Variants in LDLRAD4 observed in about 807,000 individuals in gnomAD.
LDLRAD4 encodes the protein low-density lipoprotein receptor class A domain-containing protein 4.
LDLRAD4 carries 5 observed loss-of-function variants against 17.0 expected under a neutral mutation model. The ratio of observed to expected loss-of-function variants is 0.29; its 90% CI spans 0.15 to 0.62. LDLRAD4 has a LOEUF of 0.62. LDLRAD4 is among the 20% of genes least tolerant of loss of function. The probability of loss-of-function intolerance (pLI) is 0.84; values close to 1 mark genes in which losing one functional copy is unlikely to be tolerated. For missense variants in LDLRAD4, 340 were observed against 424.7 expected, an observed-to-expected ratio of 0.80 and a Z score of 1.75; for synonymous variants, 168 against 171.8, an observed-to-expected ratio of 0.98 and a Z score of 0.17.
intron 1 of LDLRAD4, among the ~76,000 whole-genome samples, chr18:13,336,654 A>G (rs1433284451): frequency 1.3e-5 from 2 of 151,598 alleles, no homozygotes; most frequent in Non-Finnish European, 2.9e-5. Context: ...ATTCATCTTC[A>G]TTTCTGTGAC....
At chr18:13,337,071 G>T (rs950445239) in intron 1 of LDLRAD4, among the ~76,000 whole-genome samples, 1 of 152,138 alleles carries the variant, frequency 6.6e-6, no homozygotes, top group Middle Eastern at 3.2e-3. Context: ...GGCTTTCCAG[G>T]CTTTACAACC....
intron 1 of LDLRAD4, among the ~76,000 whole-genome samples, chr18:13,329,979 A>G (rs1329670757): frequency 1.7e-4 from 22 of 130,990 alleles, no homozygotes; most frequent in African/African-American, 6.1e-4. Context: ...TTTTTTTGAG[A>G]CAGTCTCACT....
intron 3 of LDLRAD4, among the ~76,000 whole-genome samples, chr18:13,543,864 C>T (rs1179259944): frequency 6.6e-6 from 1 of 152,220 alleles, no homozygotes; most frequent in Non-Finnish European, 1.5e-5. Context: ...CCTGTTGAGC[C>T]CTACCTCCAA....
intron 3 of LDLRAD4, among the ~76,000 whole-genome samples, chr18:13,517,884 G>A (rs560525160): frequency 3.3e-5 from 5 of 152,056 alleles, no homozygotes; most frequent in African/African-American, 1.2e-4. Context: ...GACTACAGGC[G>A]CCCGCCACCA....
chr18:13,482,517 C>T (rs1251409904), intron 3 of LDLRAD4, among the ~76,000 whole-genome samples: 1 of 152,228 alleles, frequency 6.6e-6, no homozygotes, highest in Admixed American at 6.5e-5. Flanking sequence ...TCAGTTCCCC[C>T]CATCACCACT....
rs1273621726 is a variant in LDLRAD4, at chr18:13,398,840, T to C, written c.40+11078T>C. On this transcript the variant is annotated intron_variant, in intron 2 of 5. Coordinates refer to ENST00000359446, the Ensembl canonical transcript of LDLRAD4. This position sits in a 1 kb window ranked among gnomAD's most constrained non-coding sequence, Gnocchi z 4.8. ...GGGCACTATAGCAACCGTGTGTTGT[T>C]GCCTGGGACTCACTTCCCTACGGGG... 2.2e-4 allele frequency among the ~76,000 whole-genome samples: 33 copies of C among 152,174 alleles called. No homozygotes were observed. Among genetic ancestry groups the C allele is most frequent in the Non-Finnish European group, 5.9e-5 (4 of 68,006 alleles).
At chr18:13,452,558 G>A (rs1034992173) in intron 3 of LDLRAD4, among the ~76,000 whole-genome samples, 8 of 152,166 alleles carry the variant, frequency 5.3e-5, no homozygotes, top group African/African-American at 1.9e-4. Flanking sequence ...TGGAAAGGAG[G>A]AAGGCGGGAG....
intron 2 of LDLRAD4, among the ~76,000 whole-genome samples, chr18:13,400,439 C>T (rs770413607): frequency 1.1e-4 from 16 of 152,214 alleles, no homozygotes; most frequent in Non-Finnish European, 1.6e-4. Flanking sequence ...GTAGGCCCAC[C>T]TGTCATGGCA....
intron 3 of LDLRAD4, among the ~76,000 whole-genome samples, chr18:13,446,930 T>G (rs9961712): frequency 6.6e-6 from 1 of 152,216 alleles, no homozygotes; most frequent in Non-Finnish European, 1.5e-5. Context: ...CAGATTGGAC[T>G]TCCCATGTTG....
rs7242081 is a variant in LDLRAD4 at position 13,264,474 on chromosome 18, A to C, written c.-466-13631A>C. ...GAAGTATTCACCATCATTCAATTCC[A>C]CAGTGTCCCTTTATGAGTTTAGCTA... On this transcript the variant is annotated intron_variant, in intron 1 of 5. Transcript: ENST00000399848. Among the ~76,000 whole-genome samples, 459 of 152,388 alleles carry C rather than the reference A, an allele frequency of 3.0e-3. 1 individual carries two copies. Among genetic ancestry groups the C allele is most frequent in the African/African-American group, 0.011 (442 of 41,600 alleles).
At chr18:13,605,113 C>A (rs182477577) in intron 3 of LDLRAD4, among the ~76,000 whole-genome samples, 1 of 152,166 alleles carries the variant, frequency 6.6e-6, no homozygotes, top group Non-Finnish European at 1.5e-5. Flanking sequence ...TTGTCCAGAG[C>A]GCAGAATTAG....
chr18:13,590,775 C>T (rs1370853040), intron 3 of LDLRAD4, among the ~76,000 whole-genome samples: 3 of 152,210 alleles, frequency 2.0e-5, no homozygotes, highest in Admixed American at 6.5e-5. Flanking sequence ...TGATCAATTG[C>T]ACTGGAGATT....
chr18:13,255,200 C>T (rs1038264177), intron 1 of LDLRAD4, among the ~76,000 whole-genome samples: 1 of 152,212 alleles, frequency 6.6e-6, no homozygotes, highest in South Asian at 2.1e-4. Flanking sequence ...GCCCGCCCCC[C>T]CCAGCCCCGG....
chr18:13,288,661 C>A (rs112124855), intron 1 of LDLRAD4, among the ~76,000 whole-genome samples: 1 of 37,434 alleles, frequency 2.7e-5, no homozygotes, highest in African/African-American at 6.2e-5. Context: ...CACGGGGCCA[C>A]GGTAGCAGCC....
rs1373289624 is a variant in LDLRAD4, at chr18:13,336,286, G to A, written c.-382-51055G>A. 4.6e-5 allele frequency among the ~76,000 whole-genome samples: 7 copies of A among 152,280 alleles called. No individual in the cohort carries two copies. In the East Asian group the frequency reaches 1.3e-3, roughly 29 times the overall value. ...CAGAGAGTTGTTCTTTATCTTTAAA[G>A]TCAGATTTATTAAGTCCAATTTTAC... On this transcript the variant is annotated intron_variant, in intron 1 of 5. Transcript: ENST00000359446.
chr18:13,276,274 C>T (rs936127605), upstream of LDLRAD4, among the ~76,000 whole-genome samples: 1 of 152,146 alleles, frequency 6.6e-6, no homozygotes, highest in African/African-American at 2.4e-5. Flanking sequence ...TCACAAAGTA[C>T]AGGAATTACA....
At chr18:13,242,904 C>G (rs374328465) in intron 1 of LDLRAD4, among the ~76,000 whole-genome samples, 1 of 152,246 alleles carries the variant, frequency 6.6e-6, no homozygotes, top group African/African-American at 2.4e-5. Context: ...ACACAGTGGG[C>G]TTATCCACCT....
intron 3 of LDLRAD4, among the ~76,000 whole-genome samples, chr18:13,456,604 TTTTG>T (rs1422778287): frequency 1.3e-5 from 2 of 152,224 alleles, no homozygotes; most frequent in African/African-American, 2.4e-5. Flanking sequence ...AGGGTCTGTG[TTTTG>T]TTTATTTTTG....
chr18:13,508,672 G>A (rs2093731971), intron 3 of LDLRAD4, among the ~76,000 whole-genome samples: 1 of 152,126 alleles, frequency 6.6e-6, no homozygotes, highest in Admixed American at 6.5e-5. Flanking sequence ...TTAGCCCACT[G>A]TTGAGACCTA....
Sources: allele counts gnomAD v4.1 joint callset (sites outside exome capture counted in the v4.1 genomes callset), GRCh38; gene constraint gnomAD v4.1.1; non-coding constraint Gnocchi (gnomAD v3.1); transcripts MANE v1.5; gene names NCBI Gene and HGNC (gene_info 2026-07-23, HGNC 2026-07-21).